Variants in RRM1 observed in about 807,000 individuals in gnomAD.
RRM1 encodes the protein ribonucleotide reductase catalytic subunit M1.
In RRM1, 19 loss-of-function variants were observed where a neutral mutation model predicts 101.5. The observed-to-expected ratio is 0.19, with a 90% CI of 0.13 to 0.27. The LOEUF (loss-of-function observed/expected upper bound fraction) is 0.27, where lower values mean the gene tolerates loss of function less well. RRM1 is among the 10% of genes least tolerant of loss of function. The pLI, the probability that RRM1 is intolerant of heterozygous loss-of-function variation, is 1.00. For synonymous variants in RRM1, 298 were observed against 323.4 expected (o/e 0.92, Z 0.84); for missense variants, 500 against 962.9 (o/e 0.52, Z 6.36).
At chr11:4,105,553 A>G (rs2094557077) in intron 2 of RRM1, 1 of 372,576 alleles carries the variant, frequency 2.7e-6, no homozygotes, top group African/African-American at 2.6e-5. Flanking sequence ...TGTGATGTGA[A>G]TTTGATTGTT....
chr11:4,137,158 C>T (rs568114910), intron 18 of RRM1: 23 of 247,848 alleles, frequency 9.3e-5, no homozygotes, highest in Admixed American at 3.8e-4. Context: ...AAAAGTCTCC[C>T]GTGTCTACTT....
chr11:4,137,667 G>T lies in RRM1; in HGVS notation c.2191-528G>T, dbSNP rs1430923074. 1.3e-4 allele frequency among the ~76,000 whole-genome samples: 3 copies of T among 23,802 alleles called. 1 individual carries two copies. The highest frequency in any genetic ancestry group is 3.3e-4 in the African/African-American group (3 of 9,088). 15.6% of individuals were successfully genotyped at this position (23,802 alleles called of 152,430 possible). A position where few individuals can be genotyped will look rare whatever the true frequency, so the allele number is the denominator to read the frequency against. ...TCCCGGACGGGGCGGCTGGCCGGGC[G>T]GGGGGCTGACCCCCCCACCTCCCTC... On this transcript the variant is annotated intron_variant, in intron 18 of 18. Transcript: ENST00000300738.
At chr11:4,135,528 C>T (rs777358953) in intron 18 of RRM1, among the ~76,000 whole-genome samples, 6 of 152,062 alleles carry the variant, frequency 3.9e-5, no homozygotes, top group Non-Finnish European at 5.9e-5. Flanking sequence ...CTTTACTGTC[C>T]GTACAATTAC....
chr11:4,123,211 G>T lies in RRM1; in HGVS notation c.1147G>T (p.Val383Phe). The change falls in exon 12 of 19, where the codon GTT (valine) becomes TTT (phenylalanine). Residue 383 changes from valine (V) to phenylalanine (F), a missense_variant. Val to Phe is a conservative substitution (Grantham distance 50, BLOSUM62 -1). Coordinates refer to ENST00000300738, the MANE Select transcript of RRM1 (RefSeq NM_001033.5). ...SYEKQGRVRK[V>F]VKAQQLWYAI... ...TGAGAAACAAGGTCGTGTCCGCAAA[G>T]TTGTAAAAGCTCAGCAGCTTTGGTA... 1 of 1,614,104 alleles carries T rather than the reference G, an allele frequency of 6.2e-7. No individual in the cohort carries two copies. The highest frequency in any genetic ancestry group is 8.5e-7 in the Non-Finnish European group (1 of 1,180,010).
rs1051279009 is a variant in RRM1, at chr11:4,106,041, T to G, written c.109-5T>G. The stretch of plus-strand genomic sequence containing the variant: ...CTCAAGTAATTCTTGGTTTTATTTT[T>G]GTAGGCTCAGATCACCATGAAAGTA... On this transcript the variant is annotated splice_region_variant and splice_polypyrimidine_tract_variant and intron_variant, in intron 2 of 18. Transcript: ENST00000300738. 3 of 1,605,394 alleles carry G rather than the reference T, an allele frequency of 1.9e-6. No individual in the cohort carries two copies. Among genetic ancestry groups the G allele is most frequent in the Non-Finnish European group, 2.5e-6 (3 of 1,177,624 alleles).
At position 4,101,560 on chromosome 11, in the gene RRM1, C is replaced by CCCCGT. The variant is rs1281347592; in HGVS notation, c.20-430_20-429insGTCCC. Among the ~76,000 whole-genome samples, 6 of 48,226 alleles carry CCCCGT rather than the reference C, an allele frequency of 1.2e-4. 1 individual carries two copies. The highest frequency in any genetic ancestry group is 2.8e-4 in the African/African-American group (6 of 21,770). The allele number at this position is 48,226 out of a possible 152,430, so 31.6% of individuals were successfully genotyped here. A position where few individuals can be genotyped will look rare whatever the true frequency, so the allele number is the denominator to read the frequency against. ...AACTCCTGACCTCCAGTGATCCACA[C>CCCCGT]CCCCCCCCGCTCCCTTGGCCTCCCA... On this transcript the variant is annotated intron_variant, in intron 1 of 18. Transcript: ENST00000300738.
rs867432197 is a variant in RRM1, at chr11:4,126,895, A to G, written c.1470+62A>G. 8.0e-5 allele frequency: 118 copies of G among 1,481,696 alleles called. No homozygotes were observed. The Middle Eastern group carries it at 1.7e-3, about 21-fold the overall frequency. The allele number at this position is 1,481,696 out of a possible 1,614,324, so 91.8% of individuals were successfully genotyped here. On this transcript the variant is annotated intron_variant, in intron 13 of 18. Transcript: ENST00000300738. ...AAATCCAAATTGAAAGGAATCAATC[A>G]TGATCTTCAAGTCATCATTTAAATG...
chr11:4,114,654 A>T (rs937460911), intron 7 of RRM1, among the ~76,000 whole-genome samples: 1 of 152,174 alleles, frequency 6.6e-6, no homozygotes, highest in African/African-American at 2.4e-5. Context: ...ATTTTCTTCA[A>T]TAATAAATTA....
chr11:4,125,729 A>T (rs1454395418), intron 12 of RRM1, among the ~76,000 whole-genome samples: 2 of 152,132 alleles, frequency 1.3e-5, no homozygotes, highest in Non-Finnish European at 2.9e-5. Context: ...CCTTCTTGAC[A>T]ATTCTGTTTA....
rs147638656 is a variant in RRM1, at chr11:4,102,063, T to C, written c.90T>C (p.Asn30=). Residue 30 remains asparagine (N), a synonymous_variant, in exon 2 of 19, where the codon AAT becomes AAC. Coordinates refer to ENST00000300738, the MANE Select transcript of RRM1 (RefSeq NM_001033.5). ...TCCAGAAGCTTTGTTATGGACTCAATATGGATTTTGTTGATCCTGTAAGTA... is the reference window on the plus strand; with the variant it reads ...TCCAGAAGCTTTGTTATGGACTCAACATGGATTTTGTTGATCCTGTAAGTA... ...SRIQKLCYGL[N]MDFVDPAQIT... is the part of the protein sequence containing the mutation. 1.9e-6 allele frequency: 3 copies of C among 1,580,386 alleles called. No individual in the cohort carries two copies. The African/African-American group carries it at 4.0e-5, about 21-fold the overall frequency.
At chr11:4,103,522 T>G (rs577955513) in intron 2 of RRM1, among the ~76,000 whole-genome samples, 4 of 152,184 alleles carry the variant, frequency 2.6e-5, no homozygotes, top group African/African-American at 9.7e-5. Context: ...AGCGCAAGAA[T>G]GTTGCAGCAT....
rs745768283 is a variant in RRM1, at chr11:4,119,829, A to G, written c.793-16A>G. On this transcript the variant is annotated splice_polypyrimidine_tract_variant and intron_variant, in intron 8 of 18. Transcript: ENST00000300738. ...CTGAGTGCCCTCTGTCATTTCTATC[A>G]TGGTCTCTCTTTTAGACTAATGGCA... 2.9e-5 allele frequency: 45 copies of G among 1,526,086 alleles called. No individual in the cohort carries two copies. Among genetic ancestry groups the G allele is most frequent in the Non-Finnish European group, 3.3e-5 (37 of 1,104,688 alleles). 94.5% of individuals were successfully genotyped at this position (1,526,086 alleles called of 1,614,324 possible). A position where few individuals can be genotyped will look rare whatever the true frequency, so the allele number is the denominator to read the frequency against.
At chr11:4,121,221 T>C (rs926475681) in intron 9 of RRM1, among the ~76,000 whole-genome samples, 3 of 152,166 alleles carry the variant, frequency 2.0e-5, no homozygotes, top group Non-Finnish European at 4.4e-5. Flanking sequence ...ATAAGACAGA[T>C]CAACTTTTTG....
intron 2 of RRM1, among the ~76,000 whole-genome samples, chr11:4,103,756 G>C (rs1183572521): frequency 2.0e-5 from 3 of 150,702 alleles, no homozygotes; most frequent in Non-Finnish European, 2.9e-5. Context: ...CCTCAGCTGG[G>C]ATTACAGGCA....
At chr11:4,112,713 A>G (rs921330837) in intron 7 of RRM1, among the ~76,000 whole-genome samples, 4 of 152,196 alleles carry the variant, frequency 2.6e-5, no homozygotes, top group African/African-American at 9.7e-5. Flanking sequence ...AGTGCCAAGA[A>G]CTAGTTAGGG....
Position 4,133,652 on chromosome 11 carries a change from T to C in RRM1, c.1995T>C (p.Ser665=). 1 of 1,592,962 alleles carries C rather than the reference T, an allele frequency of 6.3e-7. No homozygotes were observed. The highest frequency in any genetic ancestry group is 8.6e-7 in the Non-Finnish European group (1 of 1,161,502). Reference sequence around the variant, plus strand: ...ACCAGATTATTGCATGCAATGGCTCTATTCAGGTATAGAATGAAAATGAAG... The same window carrying C: ...ACCAGATTATTGCATGCAATGGCTCCATTCAGGTATAGAATGAAAATGAAG... The part of the protein sequence containing the change: ...MKNQIIACNG[S]IQSIPEIPDD... Residue 665 remains serine, a synonymous_variant, in exon 17 of 19, where the codon TCT becomes TCC. Coordinates refer to ENST00000300738, the MANE Select transcript of RRM1 (RefSeq NM_001033.5).
intron 9 of RRM1, among the ~76,000 whole-genome samples, chr11:4,120,387 T>G (rs1241357494): frequency 6.6e-6 from 1 of 152,116 alleles, no homozygotes; most frequent in Non-Finnish European, 1.5e-5. Flanking sequence ...GTTTTTTTTT[T>G]TATCTCTCTC....
chr11:4,104,658 T>C (rs1480807558), intron 2 of RRM1, among the ~76,000 whole-genome samples: 1 of 152,214 alleles, frequency 6.6e-6, no homozygotes, highest in East Asian at 1.9e-4. Context: ...AAAATAGGTA[T>C]AGTAATAATC....
intron 5 of RRM1, among the ~76,000 whole-genome samples, chr11:4,110,670 G>C (rs906587188): frequency 1.3e-5 from 2 of 151,216 alleles, no homozygotes; most frequent in Admixed American, 1.3e-4. Context: ...TTGGGGGGCT[G>C]AGGCAGGAGA....
Sources: gnomAD v4.1 joint callset for allele counts (sites outside exome capture counted in the v4.1 genomes callset) on GRCh38, gnomAD v4.1.1 for gene constraint, MANE v1.5 for transcripts, NCBI Gene and HGNC (gene_info 2026-07-23, HGNC 2026-07-21) for gene names.